The following XXYLT1 variants were observed in gnomAD, a reference collection of about 807,000 sequenced individuals.
The protein encoded by XXYLT1 is UDP-xylose:alpha-xyloside alpha-1,3-xylosyltransferase.
XXYLT1 carries 20 observed loss-of-function variants against 28.9 expected under a neutral mutation model. That is an observed-to-expected ratio of 0.69 (90% CI 0.49 to 1.00). The LOEUF (loss-of-function observed/expected upper bound fraction) is 1.00, where lower values mean the gene tolerates loss of function less well. XXYLT1 is among the 50% of genes least tolerant of loss of function. The pLI, the probability that XXYLT1 is intolerant of heterozygous loss-of-function variation, is 0.00. For missense variants in XXYLT1, 542 were observed against 560.1 expected, an observed-to-expected ratio of 0.97 and a Z score of 0.33; for synonymous variants, 257 against 253.8, an observed-to-expected ratio of 1.01 and a Z score of -0.12.
At chr3:195,250,938 G>A (rs1725230143) in intron 1 of XXYLT1, among the ~76,000 whole-genome samples, 1 of 152,198 alleles carries the variant, frequency 6.6e-6, no homozygotes, top group African/African-American at 2.4e-5. Flanking sequence ...GGGTTACATG[G>A]ATCTTAAAAA....
intron 1 of XXYLT1, among the ~76,000 whole-genome samples, chr3:195,228,478 A>G (rs1577172151): frequency 2.2e-5 from 3 of 134,564 alleles, no homozygotes; most frequent in South Asian, 2.3e-4. Context: ...CTTTTGGCCT[A>G]TATTTCACTT....
At chr3:195,122,333 A>G (rs1718403492) in intron 3 of XXYLT1, 3 of 601,312 alleles carry the variant, frequency 5.0e-6, no homozygotes, top group Non-Finnish European at 8.9e-6. Flanking sequence ...GAGGTTAAAA[A>G]CGCAGATGGG....
intron 2 of XXYLT1, among the ~76,000 whole-genome samples, chr3:195,181,075 T>A (rs1721927381): frequency 6.6e-6 from 1 of 152,188 alleles, no homozygotes; most frequent in South Asian, 2.1e-4. Flanking sequence ...CGGCCAGGTG[T>A]GTAGCACTTA....
chr3:195,228,677 A>G (rs1281039118), intron 1 of XXYLT1, among the ~76,000 whole-genome samples: 2 of 148,902 alleles, frequency 1.3e-5, no homozygotes, highest in African/African-American at 5.2e-5. Flanking sequence ...TTTAGTAGAG[A>G]TGGGGTTTCA....
intron 1 of XXYLT1, among the ~76,000 whole-genome samples, chr3:195,237,946 C>A (rs2108818670): frequency 6.6e-6 from 1 of 152,236 alleles, no homozygotes; most frequent in African/African-American, 2.4e-5. Flanking sequence ...CCCCTGCGAC[C>A]TCTCTGACAG....
chr3:195,248,746 C>T (rs889538665), intron 1 of XXYLT1, among the ~76,000 whole-genome samples: 9 of 152,114 alleles, frequency 5.9e-5, no homozygotes, highest in South Asian at 2.1e-4. Context: ...GGTGAAACGC[C>T]GTCTCTACTA....
chr3:195,185,140 AGGAAGGAAGGAAAAAAGAAAAAG>A (rs1194303888), intron 2 of XXYLT1, among the ~76,000 whole-genome samples: 1 of 150,708 alleles, frequency 6.6e-6, no homozygotes, highest in Non-Finnish European at 1.5e-5. Flanking sequence ...GAAGGAAGGA[AGGAAGGAAGGAAAAAAGAAAAAG>A]AAAAGGAAAG....
intron 3 of XXYLT1, among the ~76,000 whole-genome samples, chr3:195,148,463 C>T (rs761793373): frequency 4.6e-5 from 7 of 151,712 alleles, no homozygotes; most frequent in Non-Finnish European, 1.0e-4. Flanking sequence ...TTTTTAAACA[C>T]GAGAACAAGG....
At chr3:195,082,774 C>G (rs529808525) in intron 3 of XXYLT1, among the ~76,000 whole-genome samples, 1 of 151,784 alleles carries the variant, frequency 6.6e-6, no homozygotes, top group Non-Finnish European at 1.5e-5. Flanking sequence ...ACTTGAACCC[C>G]GGGGGAAGGA....
At chr3:195,215,136 C>T (rs1165505376) in intron 2 of XXYLT1, among the ~76,000 whole-genome samples, 264 of 140,968 alleles carry the variant, frequency 1.9e-3, no homozygotes, top group South Asian at 6.3e-3. Flanking sequence ...GATTTTGTCA[C>T]CACCAGGCCT....
intron 3 of XXYLT1, among the ~76,000 whole-genome samples, chr3:195,142,097 T>C (rs1194515265): frequency 1.3e-5 from 2 of 152,136 alleles, no homozygotes; most frequent in African/African-American, 4.8e-5. Context: ...CCACAGCCTC[T>C]CTCCCCTGCC....
intron 3 of XXYLT1, among the ~76,000 whole-genome samples, chr3:195,113,309 C>T (rs562944105): frequency 3.9e-4 from 59 of 152,306 alleles, no homozygotes; most frequent in African/African-American, 1.3e-3. Flanking sequence ...ACACTATCTT[C>T]GACAAGCCAG....
At chr3:195,231,962 T>C (rs1046506652) in intron 1 of XXYLT1, among the ~76,000 whole-genome samples, 36 of 152,080 alleles carry the variant, frequency 2.4e-4, no homozygotes, top group African/African-American at 8.4e-4. Flanking sequence ...TTGAGTAGGG[T>C]TGGTATTACT....
chr3:195,204,140 C>A (rs989773462), intron 2 of XXYLT1, among the ~76,000 whole-genome samples: 1 of 151,688 alleles, frequency 6.6e-6, no homozygotes, highest in Non-Finnish European at 1.5e-5. Context: ...GTCAGGAGTG[C>A]GAGACCAGCC....
At chr3:195,249,802 A>ACTTCACTTCAAGTGAAGC (rs1295953435) in intron 1 of XXYLT1, among the ~76,000 whole-genome samples, 1 of 152,150 alleles carries the variant, frequency 6.6e-6, no homozygotes, top group Non-Finnish European at 1.5e-5. Flanking sequence ...TCTTGATGTC[A>ACTTCACTTCAAGTGAAGC]CATACTTCAA....
intron 2 of XXYLT1, among the ~76,000 whole-genome samples, chr3:195,220,009 G>A (rs998519867): frequency 1.2e-4 from 19 of 152,192 alleles, no homozygotes; most frequent in Non-Finnish European, 2.5e-4. Flanking sequence ...CGCAGGAAAC[G>A]AGCAGGCTGG....
intron 1 of XXYLT1, among the ~76,000 whole-genome samples, chr3:195,268,336 C>A (rs1035173102): frequency 1.3e-5 from 2 of 151,722 alleles, no homozygotes; most frequent in Admixed American, 6.6e-5. Flanking sequence ...GAGGCTGGGC[C>A]AGGAGAATCA....
chr3:195,266,120 T>C (rs1285889366), intron 1 of XXYLT1, among the ~76,000 whole-genome samples: 1 of 152,188 alleles, frequency 6.6e-6, no homozygotes, highest in Non-Finnish European at 1.5e-5. Context: ...CAGCCACTGC[T>C]GTGGGTCTAG....
At chr3:195,250,465 G>A (rs904276146) in intron 1 of XXYLT1, among the ~76,000 whole-genome samples, 1 of 151,914 alleles carries the variant, frequency 6.6e-6, no homozygotes, top group African/African-American at 2.4e-5. Context: ...TTGGGAGGCT[G>A]AGGCCAGAGA....
Sources: gnomAD v4.1 joint callset for allele counts (sites outside exome capture counted in the v4.1 genomes callset) on GRCh38, gnomAD v4.1.1 for gene constraint, MANE v1.5 for transcripts, NCBI Gene and HGNC (gene_info 2026-07-23, HGNC 2026-07-21) for gene names.